EPHA6: variants seen among roughly 807,000 people sequenced by gnomAD.
The protein encoded by EPHA6 is ephrin type-A receptor 6.
A neutral mutation model predicts 112.0 loss-of-function variants in EPHA6; 50 were observed. That is an observed-to-expected ratio of 0.45 (90% confidence interval 0.36 to 0.56). The LOEUF (loss-of-function observed/expected upper bound fraction) is 0.56, where lower values mean the gene tolerates loss of function less well. EPHA6 is among the 20% of genes least tolerant of loss of function. The pLI, the probability that EPHA6 is intolerant of heterozygous loss-of-function variation, is 0.00. For missense variants in EPHA6, 1,280 were observed against 1,417.4 expected, an observed-to-expected ratio of 0.90 and a Z score of 1.56; for synonymous variants, 529 against 490.7, an observed-to-expected ratio of 1.08 and a Z score of -1.03.
intron 4 of EPHA6, among the ~76,000 whole-genome samples, chr3:97,231,428 C>G (rs1352908215): frequency 6.6e-6 from 1 of 152,148 alleles, no homozygotes; most frequent in African/African-American, 2.4e-5. Context: ...TTCACCCTCT[C>G]TGAATGTTTA....
intron 3 of EPHA6, among the ~76,000 whole-genome samples, chr3:97,137,712 AG>A (rs2075799869): frequency 6.6e-6 from 1 of 152,192 alleles, no homozygotes; most frequent in African/African-American, 2.4e-5. Flanking sequence ...TGAATAGAGT[AG>A]GTCTAGACAT....
Position 97,110,263 on chromosome 3 carries a change from T to C in EPHA6, c.1115-116001T>C, listed in dbSNP as rs1485587291. Among the ~76,000 whole-genome samples the C allele has an allele frequency of 2.6e-5, 4 of 152,234 alleles. No individual in the cohort carries two copies. The East Asian group carries it at 7.8e-4, about 30-fold the overall frequency. Reference sequence around the variant, plus strand: ...AAACATGGTAATGATAGGGCCTCCATAATGGTAATTTACCATTTACATAAC... The same window carrying C: ...AAACATGGTAATGATAGGGCCTCCACAATGGTAATTTACCATTTACATAAC... On this transcript the variant is annotated intron_variant, in intron 3 of 17. Coordinates refer to ENST00000389672, the MANE Select transcript of EPHA6 (RefSeq NM_001080448.3).
At chr3:97,187,905 A>G (rs1403152680) in intron 3 of EPHA6, among the ~76,000 whole-genome samples, 1 of 152,006 alleles carries the variant, frequency 6.6e-6, no homozygotes, top group Non-Finnish European at 1.5e-5. Flanking sequence ...AATCTTTTAC[A>G]CTCTCCCAAA....
At chr3:97,608,888 T>C (rs978444650) in intron 12 of EPHA6, among the ~76,000 whole-genome samples, 2 of 151,320 alleles carry the variant, frequency 1.3e-5, no homozygotes, top group African/African-American at 4.8e-5. Flanking sequence ...GGTTAAGATC[T>C]CAAACTCTGA....
chr3:97,606,287 T>C (rs1300268407), intron 12 of EPHA6: 1 of 151,306 alleles, frequency 6.6e-6, no homozygotes, highest in Admixed American at 6.6e-5. Flanking sequence ...CACTGAATGT[T>C]CAAAAATAAT....
intron 5 of EPHA6, among the ~76,000 whole-genome samples, chr3:97,254,291 C>T (rs565280725): frequency 6.6e-6 from 1 of 152,068 alleles, no homozygotes; most frequent in African/African-American, 2.4e-5. Flanking sequence ...TGGGTTCAAG[C>T]GATTCTCTTG....
chr3:96,961,784 G>A (rs927872935), intron 2 of EPHA6, among the ~76,000 whole-genome samples: 34 of 152,184 alleles, frequency 2.2e-4, no homozygotes, highest in Non-Finnish European at 2.9e-5. Flanking sequence ...CAAGCACTAG[G>A]ATGTCTGCTT....
chr3:97,469,388 G>A (rs1173259261), intron 7 of EPHA6, among the ~76,000 whole-genome samples: 3 of 151,720 alleles, frequency 2.0e-5, no homozygotes, highest in Non-Finnish European at 4.4e-5. Flanking sequence ...TATATGTGAA[G>A]TAAAACTGTG....
At chr3:97,666,377 G>A (rs2107647065) in intron 14 of EPHA6, among the ~76,000 whole-genome samples, 1 of 152,270 alleles carries the variant, frequency 6.6e-6, no homozygotes, top group East Asian at 1.9e-4. Flanking sequence ...AGAATTTATT[G>A]TCTCAAAGTT....
intron 3 of EPHA6, among the ~76,000 whole-genome samples, chr3:97,153,610 A>G (rs2076219464): frequency 6.6e-6 from 1 of 152,124 alleles, no homozygotes; most frequent in Non-Finnish European, 1.5e-5. Flanking sequence ...TCCAGGGACT[A>G]AAAAAACATA....
At chr3:96,837,326 T>G (rs1290764599) in intron 1 of EPHA6, among the ~76,000 whole-genome samples, 2 of 152,054 alleles carry the variant, frequency 1.3e-5, no homozygotes, top group Non-Finnish European at 2.9e-5. Flanking sequence ...TGAGGAAGTG[T>G]GGTGTGACTT....
chr3:97,279,820 T>C (rs1023088352), intron 5 of EPHA6, among the ~76,000 whole-genome samples: 1 of 152,212 alleles, frequency 6.6e-6, no homozygotes, highest in Non-Finnish European at 1.5e-5. Flanking sequence ...GCTAATTTTA[T>C]TGAAGAGTAG....
chr3:97,175,111 C>A (rs2076801860), intron 3 of EPHA6, among the ~76,000 whole-genome samples: 1 of 151,896 alleles, frequency 6.6e-6, no homozygotes, highest in Non-Finnish European at 1.5e-5. Flanking sequence ...CATTATTTTG[C>A]ATGTGGATAT....
chr3:97,666,723 G>A (rs1455581034), intron 14 of EPHA6, among the ~76,000 whole-genome samples: 1 of 152,108 alleles, frequency 6.6e-6, no homozygotes, highest in African/African-American at 2.4e-5. Flanking sequence ...CATATTTGGA[G>A]GCACTAAGAG....
At chr3:97,165,368 T>G (rs549225173) in intron 3 of EPHA6, among the ~76,000 whole-genome samples, 55 of 152,254 alleles carry the variant, frequency 3.6e-4, no homozygotes, top group African/African-American at 1.3e-3. Context: ...TCATAAATTA[T>G]TATAAACAGT....
rs145113129 is a variant in EPHA6 at position 97,084,067 on chromosome 3, A to AGTGTGTGTGT, written c.1114+96094_1114+96103dup. Among the ~76,000 whole-genome samples the AGTGTGTGTGT allele has an allele frequency of 6.9e-3, 756 of 109,710 alleles. 12 individuals are homozygous for AGTGTGTGTGT. The highest frequency in any genetic ancestry group is 0.024 in the African/African-American group (718 of 29,310). The allele number at this position is 109,710 out of a possible 152,430, so 72.0% of individuals were successfully genotyped here. A position where few individuals can be genotyped will look rare whatever the true frequency, so the allele number is the denominator to read the frequency against. On this transcript the variant is annotated intron_variant, in intron 3 of 17. Transcript: ENST00000389672. Reference sequence around the variant, plus strand: ...TAGGGGTGGTACATTTATTTCTTAAAGTGTGTGTGTGTGTGTGTGTGTGTG... The same window carrying AGTGTGTGTGT: ...TAGGGGTGGTACATTTATTTCTTAAAGTGTGTGTGTGTGTGTGTGTGTGTGTGTGTGTGTG...
At chr3:97,701,910 G>A (rs1461739772) in intron 14 of EPHA6, among the ~76,000 whole-genome samples, 1 of 152,126 alleles carries the variant, frequency 6.6e-6, no homozygotes, top group Non-Finnish European at 1.5e-5. Context: ...TGAGTGCCAA[G>A]TTGAAAATAA....
At chr3:97,693,031 TGTGGTTGGTAA>T (rs2032776621) in intron 14 of EPHA6, among the ~76,000 whole-genome samples, 1 of 152,146 alleles carries the variant, frequency 6.6e-6, no homozygotes, top group Non-Finnish European at 1.5e-5. Context: ...GAAGGACACG[TGTGGTTGGTAA>T]GTGGCCCTTG....
chr3:97,501,339 A>G (rs2092112667), intron 10 of EPHA6, among the ~76,000 whole-genome samples: 1 of 151,440 alleles, frequency 6.6e-6, no homozygotes, highest in Non-Finnish European at 1.5e-5. Context: ...ATATATAGAA[A>G]CAATAATAAA....
Sources: allele counts gnomAD v4.1 joint callset (sites outside exome capture counted in the v4.1 genomes callset), GRCh38; gene constraint gnomAD v4.1.1; transcripts MANE v1.5; gene names NCBI Gene and HGNC (gene_info 2026-07-23, HGNC 2026-07-21).